The following PRKN variants were observed in gnomAD, a reference collection of about 807,000 sequenced individuals.
The protein encoded by PRKN is E3 ubiquitin-protein ligase parkin.
In PRKN, 56 loss-of-function variants were observed where a neutral mutation model predicts 59.5. The ratio of observed to expected loss-of-function variants is 0.94; its 90% CI spans 0.76 to 1.18. The LOEUF (loss-of-function observed/expected upper bound fraction) is 1.18, where lower values mean the gene tolerates loss of function less well. Ranked by LOEUF, PRKN falls within the 50% of genes most tolerant of loss-of-function variation. PRKN has a pLI of 0.00. For synonymous variants in PRKN, 250 were observed against 222.1 expected (o/e 1.13, Z -1.12); for missense variants, 657 against 596.4 (o/e 1.10, Z -1.06).
chr6:161,877,829 C>G (rs779717836), intron 6 of PRKN, among the ~76,000 whole-genome samples: 1 of 152,084 alleles, frequency 6.6e-6, no homozygotes, highest in Non-Finnish European at 1.5e-5. Context: ...GTGAAGCCCC[C>G]TGGCAGTTGC....
intron 6 of PRKN, among the ~76,000 whole-genome samples, chr6:161,793,449 T>C (rs1790717853): frequency 6.6e-6 from 1 of 152,036 alleles, no homozygotes; most frequent in Non-Finnish European, 1.5e-5. Context: ...ATATACAACG[T>C]AGCCAAGGTA....
At chr6:162,224,717 C>G (rs778404390) in intron 3 of PRKN, among the ~76,000 whole-genome samples, 4 of 152,132 alleles carry the variant, frequency 2.6e-5, no homozygotes, top group Non-Finnish European at 4.4e-5. Context: ...GCTGCATCCT[C>G]TTTCTGGGCA....
intron 6 of PRKN, among the ~76,000 whole-genome samples, chr6:161,902,339 G>A (rs1486731529): frequency 1.3e-5 from 2 of 152,084 alleles, no homozygotes; most frequent in Non-Finnish European, 2.9e-5. Context: ...ATTAAATCAC[G>A]AGAGAAGACT....
intron 5 of PRKN, among the ~76,000 whole-genome samples, chr6:161,994,873 C>T (rs936974137): frequency 2.0e-5 from 3 of 151,400 alleles, no homozygotes; most frequent in Non-Finnish European, 4.4e-5. Context: ...GTTAAAATGA[C>T]TGCTCAATGC....
chr6:161,879,526 TGAGTA>T (rs911384084), intron 6 of PRKN, among the ~76,000 whole-genome samples: 11 of 152,008 alleles, frequency 7.2e-5, no homozygotes, highest in African/African-American at 2.2e-4. Flanking sequence ...TTTTGTATTT[TGAGTA>T]GAGACGAGGT....
chr6:162,393,853 T>C (rs1299861063), intron 2 of PRKN, among the ~76,000 whole-genome samples: 1 of 152,206 alleles, frequency 6.6e-6, no homozygotes, highest in Non-Finnish European at 1.5e-5. Flanking sequence ...TTAGATTTAG[T>C]TAAAATTAAA....
Position 162,265,830 on chromosome 6 carries a change from C to A in PRKN, c.172-3065G>T, listed in dbSNP as rs377343374. Among the ~76,000 whole-genome samples, 6 of 152,276 alleles carry A rather than the reference C, an allele frequency of 3.9e-5. No homozygotes were observed. In the East Asian group the frequency reaches 1.2e-3, roughly 29 times the overall value. ...AAGCCAGCCTGAGGCCGCGGGCACC[C>A]TCGCTGACCTGTAGGCACATGAGAA... is the stretch of plus-strand genomic sequence containing the variant. On this transcript the variant is annotated intron_variant, in intron 2 of 11. Transcript: ENST00000366898.
intron 2 of PRKN, among the ~76,000 whole-genome samples, chr6:162,423,906 ATGAAT>A (rs1190844830): frequency 6.6e-6 from 1 of 152,196 alleles, no homozygotes; most frequent in Non-Finnish European, 1.5e-5. Flanking sequence ...TCTAAAAGTG[ATGAAT>A]TGAACTGAAC....
At chr6:162,462,212 C>G (rs1791211225) in intron 1 of PRKN, among the ~76,000 whole-genome samples, 1 of 152,226 alleles carries the variant, frequency 6.6e-6, no homozygotes, top group South Asian at 2.1e-4. Context: ...GTTAACTAAT[C>G]AAAAATATCC....
At position 161,466,007 on chromosome 6, in the gene PRKN, A is replaced by G. The variant is rs1340954159; in HGVS notation, c.1084-79130T>C. Among the ~76,000 whole-genome samples, 1 of 152,330 alleles carries G rather than the reference A, an allele frequency of 6.6e-6. No homozygotes were observed. The highest frequency in any genetic ancestry group is 6.5e-5 in the Admixed American group (1 of 15,298). On this transcript the variant is annotated intron_variant, in intron 9 of 11. Transcript: ENST00000366898. The surrounding 1 kb of genome is among the most constrained non-coding windows in gnomAD (Gnocchi z 5.0). The stretch of plus-strand genomic sequence containing the variant: ...TAATGACTTGATATCTGTATACACT[A>G]TGTAATAATTACAATCAAATTAATC...
chr6:162,390,162 G>A (rs1583487558), intron 2 of PRKN, among the ~76,000 whole-genome samples: 1 of 151,938 alleles, frequency 6.6e-6, no homozygotes, highest in Middle Eastern at 3.4e-3. Flanking sequence ...ACATAACGTG[G>A]GAAAGAGTCC....
intron 1 of PRKN, among the ~76,000 whole-genome samples, chr6:162,651,379 G>T (rs553039529): frequency 6.6e-6 from 1 of 152,258 alleles, no homozygotes; most frequent in African/African-American, 2.4e-5. Flanking sequence ...CTGAAAATAA[G>T]ACAAGTTCCC....
intron 4 of PRKN, among the ~76,000 whole-genome samples, chr6:162,196,919 G>A (rs1256909874): frequency 6.6e-6 from 1 of 152,146 alleles, no homozygotes; most frequent in Non-Finnish European, 1.5e-5. Context: ...TTAGACTCAT[G>A]ATATGAGTGG....
At chr6:162,519,325 T>C (rs1777993229) in intron 1 of PRKN, among the ~76,000 whole-genome samples, 3 of 152,294 alleles carry the variant, frequency 2.0e-5, no homozygotes, top group South Asian at 4.1e-4. Flanking sequence ...CTGCCTTCCA[T>C]GTTCCAAAGG....
intron 1 of PRKN, among the ~76,000 whole-genome samples, chr6:162,536,225 A>T (rs1778710792): frequency 6.6e-6 from 1 of 152,128 alleles, no homozygotes; most frequent in Non-Finnish European, 1.5e-5. Context: ...TGTGTGCTAT[A>T]CTTCACTCAG....
intron 7 of PRKN, among the ~76,000 whole-genome samples, chr6:161,709,149 G>A (rs542222744): frequency 6.6e-6 from 1 of 152,300 alleles, no homozygotes; most frequent in South Asian, 2.1e-4. Context: ...AAACACTGCA[G>A]GAGCTAATAT....
chr6:161,822,988 G>A (rs1325536527), intron 6 of PRKN, among the ~76,000 whole-genome samples: 1 of 152,040 alleles, frequency 6.6e-6, no homozygotes, highest in Non-Finnish European at 1.5e-5. Flanking sequence ...TCAGGCTGGA[G>A]TCCAGTGACA....
At position 161,671,035 on chromosome 6, in the gene PRKN, C is replaced by A. The variant is rs139877699; in HGVS notation, c.872-101619G>T. On this transcript the variant is annotated intron_variant, in intron 7 of 11. Coordinates refer to ENST00000366898, the MANE Select transcript of PRKN (RefSeq NM_004562.3). ...GAAGTGTTTTTTCGTGTGTTTTCTT[C>A]ATGTTTGTTTTTTTCCCTCAAGCAC... Among the ~76,000 whole-genome samples the A allele has an allele frequency of 1.8e-3, 268 of 152,150 alleles. 1 individual carries two copies. The highest frequency in any genetic ancestry group is 6.3e-3 in the African/African-American group (262 of 41,490).
chr6:161,602,802 G>C (rs1201729257), intron 7 of PRKN, among the ~76,000 whole-genome samples: 1 of 152,176 alleles, frequency 6.6e-6, no homozygotes, highest in Non-Finnish European at 1.5e-5. Flanking sequence ...CTCAGCAAAT[G>C]AATGCTTATT....
Sources: allele counts gnomAD v4.1 joint callset (sites outside exome capture counted in the v4.1 genomes callset), GRCh38; gene constraint gnomAD v4.1.1; non-coding constraint Gnocchi (gnomAD v3.1); transcripts MANE v1.5; gene names NCBI Gene and HGNC (gene_info 2026-07-23, HGNC 2026-07-21).